Variants in USP6NL observed in about 807,000 individuals in gnomAD.
USP6NL encodes USP6 N-terminal-like protein.
USP6NL carries 26 observed loss-of-function variants against 61.9 expected under a neutral mutation model. The ratio of observed to expected loss-of-function variants is 0.42; its 90% CI spans 0.31 to 0.58. USP6NL has a LOEUF of 0.58. Among genes scored for constraint, USP6NL ranks in the 20% least tolerant of loss-of-function variants. The pLI is 0.16. For missense variants in USP6NL, 1,114 were observed against 1,034.3 expected (o/e 1.08, Z -1.06); for synonymous variants, 432 against 390.1 (o/e 1.11, Z -1.27).
At chr10:11,571,849 T>C (rs1283793348) in intron 2 of USP6NL, among the ~76,000 whole-genome samples, 3 of 151,082 alleles carry the variant, frequency 2.0e-5, no homozygotes, top group Admixed American at 6.6e-5. Context: ...AAAATCTATG[T>C]ATATACTTCC....
chr10:11,503,534 T>C (rs1834306520), intron 6 of USP6NL, among the ~76,000 whole-genome samples: 2 of 152,126 alleles, frequency 1.3e-5, no homozygotes, highest in South Asian at 4.1e-4. Context: ...AAAAATCAGG[T>C]ACATATGGGA....
At chr10:11,486,263 A>C (rs1190205869) in intron 10 of USP6NL, among the ~76,000 whole-genome samples, 1 of 151,774 alleles carries the variant, frequency 6.6e-6, no homozygotes, top group African/African-American at 2.4e-5. Flanking sequence ...TATTATTCCA[A>C]CCCTGACTAG....
chr10:11,549,044 G>A (rs976285678), intron 2 of USP6NL, among the ~76,000 whole-genome samples: 3 of 151,926 alleles, frequency 2.0e-5, no homozygotes, highest in Admixed American at 6.6e-5. Flanking sequence ...GCTTCTCTTC[G>A]GAGTCTAGTC....
In USP6NL at chr10:11,474,922, G is replaced by T. The variant is rs1248826302; in HGVS notation, c.1078+6848C>A. Among the ~76,000 whole-genome samples the T allele has an allele frequency of 6.6e-6, 1 of 152,146 alleles. No individual in the cohort carries two copies. Among genetic ancestry groups the T allele is most frequent in the Non-Finnish European group, 1.5e-5 (1 of 68,030 alleles). ...TGCTATACCTTACACTAAGGAGTGT[G>T]GATGTTCTCCCGTAAGCACTGAAGT... On this transcript the variant is annotated intron_variant, in intron 14 of 14. Transcript: ENST00000609104. The surrounding 1 kb of genome is among the most constrained non-coding windows in gnomAD (Gnocchi z 4.9).
chr10:11,576,089 G>GAA (rs761383093), intron 2 of USP6NL, among the ~76,000 whole-genome samples: 2 of 130,494 alleles, frequency 1.5e-5, no homozygotes, highest in African/African-American at 5.7e-5. Flanking sequence ...AACACTTCAG[G>GAA]AAAAAAAAAA....
chr10:11,494,966 G>A (rs1833854711), intron 7 of USP6NL, among the ~76,000 whole-genome samples: 1 of 152,098 alleles, frequency 6.6e-6, no homozygotes, highest in African/African-American at 2.4e-5. Context: ...AAAGGTGGAG[G>A]AGCAGAGTCT....
In USP6NL at chr10:11,509,670, C is replaced by T; in HGVS notation, c.201G>A (p.Lys67=). ...PDHNVAVERQ[K]HLEIERTTKW... ...TGGTAGTTCTTTCAATTTCCAGGTG[C>T]TTTTGCTAAAATAAAATTGAAATTC... The change falls in exon 6 of 15, where the codon AAG becomes AAA. Residue 67 remains lysine (K), a synonymous_variant. Coordinates refer to ENST00000609104, the MANE Select transcript of USP6NL (RefSeq NM_014688.5). 1.9e-6 allele frequency: 3 copies of T among 1,558,826 alleles called. No individual in the cohort carries two copies. Among genetic ancestry groups the T allele is most frequent in the Non-Finnish European group, 8.7e-7 (1 of 1,150,736 alleles).
rs1838191404 is a variant in USP6NL at position 11,592,645 on chromosome 10, T to C, written c.4+4986A>G. Among the ~76,000 whole-genome samples the C allele has an allele frequency of 6.6e-6, 1 of 152,230 alleles. No homozygotes were observed. The highest frequency in any genetic ancestry group is 6.5e-5 in the Admixed American group (1 of 15,288). On this transcript the variant is annotated intron_variant, in intron 2 of 14. Coordinates refer to ENST00000609104, the MANE Select transcript of USP6NL (RefSeq NM_014688.5). The surrounding 1 kb of genome is among the most constrained non-coding windows in gnomAD (Gnocchi z 4.7). ...TTTCAAAGACAATTCAACTTAAATT[T>C]TCTTTTAACTTCTACCCAACTTCTG...
At chr10:11,577,424 G>A (rs1436912614) in intron 2 of USP6NL, among the ~76,000 whole-genome samples, 2 of 151,864 alleles carry the variant, frequency 1.3e-5, no homozygotes, top group Non-Finnish European at 2.9e-5. Context: ...TATTGAAAAC[G>A]GAGTCTCTTA....
At position 11,611,469 on chromosome 10, in the gene USP6NL, G is replaced by T. The variant is rs189672296; in HGVS notation, c.-110C>A. Reference sequence around the variant, plus strand: ...TCAGTACGGTCCCGACTGCTAGGCTGTGGGCAGCGGACAGAGCTGGCGGTC... The same window carrying T: ...TCAGTACGGTCCCGACTGCTAGGCTTTGGGCAGCGGACAGAGCTGGCGGTC... On this transcript the variant is annotated 5_prime_UTR_variant, in exon 1 of 15. Transcript: ENST00000609104. This position sits in a 1 kb window ranked among gnomAD's most constrained non-coding sequence, Gnocchi z 5.3. The T allele has an allele frequency of 0.014, 2,126 of 155,726 alleles. 32 individuals are homozygous for T. Among genetic ancestry groups the T allele is most frequent in the Non-Finnish European group, 0.02 (1,420 of 69,900 alleles). 9.6% of individuals were successfully genotyped at this position (155,726 alleles called of 1,614,324 possible).
At position 11,528,563 on chromosome 10, in the gene USP6NL, T is replaced by C. The variant is rs1383272385; in HGVS notation, c.5-996A>G. On this transcript the variant is annotated intron_variant, in intron 2 of 14. Coordinates refer to ENST00000609104, the MANE Select transcript of USP6NL (RefSeq NM_014688.5). This position sits in a 1 kb window ranked among gnomAD's most constrained non-coding sequence, Gnocchi z 4.6. The stretch of plus-strand genomic sequence containing the variant: ...AGGCTTAGAGATTTTACGCAACTTG[T>C]CCACAGGCATAAAGCTAATAAACAG... 6.6e-6 allele frequency among the ~76,000 whole-genome samples: 1 copy of C among 152,168 alleles called. No homozygotes were observed. Among genetic ancestry groups the C allele is most frequent in the Non-Finnish European group, 1.5e-5 (1 of 68,040 alleles).
rs1261535871 is a variant in USP6NL at position 11,589,057 on chromosome 10, A to G, written c.4+8574T>C. On this transcript the variant is annotated intron_variant, in intron 2 of 14. Transcript: ENST00000609104. This position sits in a 1 kb window ranked among gnomAD's most constrained non-coding sequence, Gnocchi z 4.7. The stretch of plus-strand genomic sequence containing the variant: ...CCATGTATGGAAACCCGGATAAGAT[A>G]ATGGCAATGGAGAAGCGCCTTTCCT... Among the ~76,000 whole-genome samples, 2 of 152,200 alleles carry G rather than the reference A, an allele frequency of 1.3e-5. No homozygotes were observed. The highest frequency in any genetic ancestry group is 2.9e-5 in the Non-Finnish European group (2 of 68,034).
chr10:11,517,522 G>A (rs1346527899), intron 5 of USP6NL, among the ~76,000 whole-genome samples: 3 of 152,162 alleles, frequency 2.0e-5, no homozygotes, highest in Admixed American at 1.3e-4. Flanking sequence ...CTAGGCCAGT[G>A]CTTGATACAT....
In USP6NL at chr10:11,495,874, ATGCCTGGGTGAGGCTTCC is replaced by A. The variant is rs1833901888; in HGVS notation, c.385-2664_385-2647del. Reference sequence around the variant, plus strand: ...TAAAAGTGGGACACAAAAAAGCTGCATGCCTGGGTGAGGCTTCCTGACTGTGATCCTGCTCGTGGAGGC... The same window carrying A: ...TAAAAGTGGGACACAAAAAAGCTGCATGACTGTGATCCTGCTCGTGGAGGC... On this transcript the variant is annotated intron_variant, in intron 7 of 14. Transcript: ENST00000609104. The surrounding 1 kb of genome is among the most constrained non-coding windows in gnomAD (Gnocchi z 4.6). 6.6e-6 allele frequency among the ~76,000 whole-genome samples: 1 copy of A among 152,246 alleles called. No homozygotes were observed. Among genetic ancestry groups the A allele is most frequent in the Non-Finnish European group, 1.5e-5 (1 of 68,038 alleles).
intron 1 of USP6NL, among the ~76,000 whole-genome samples, chr10:11,604,686 G>A (rs12573581): frequency 0.1 from 15,286 of 152,116 alleles, 1,221 homozygotes; most frequent in East Asian, 0.42. Flanking sequence ...TATCTCCAAA[G>A]AACAATTTCT....
Position 11,462,824 on chromosome 10 carries a change from G to T in USP6NL, c.2104C>A (p.Pro702Thr). The change falls in exon 15 of 15, where the codon CCT becomes ACT. Residue 702 changes from proline to threonine, a missense_variant. Coordinates refer to ENST00000609104, the MANE Select transcript of USP6NL (RefSeq NM_014688.5). ...TATCCCCCAGCACCAGTGTCAACAG[G>T]GAGGACTTCTATTCGACTAGACGGC... is the stretch of plus-strand genomic sequence containing the variant. ...VLPSSRIEVL[P>T]VDTGAGGYSG... The T allele has an allele frequency of 4.3e-6, 7 of 1,613,984 alleles. No homozygotes were observed. Among genetic ancestry groups the T allele is most frequent in the Non-Finnish European group, 5.9e-6 (7 of 1,179,894 alleles).
At chr10:11,564,471 C>G (rs998534617) in intron 2 of USP6NL, 2 of 152,032 alleles carry the variant, frequency 1.3e-5, no homozygotes, top group African/African-American at 4.8e-5. Context: ...AGATGATAAG[C>G]CATAGAGAAA....
At chr10:11,551,236 G>T (rs182658050) in intron 2 of USP6NL, among the ~76,000 whole-genome samples, 244 of 152,258 alleles carry the variant, frequency 1.6e-3, no homozygotes, top group Non-Finnish European at 2.7e-3. Flanking sequence ...TGGTGAAAAG[G>T]TAAGCAAATT....
chr10:11,463,057 C>T lies in USP6NL; in HGVS notation c.1871G>A (p.Arg624Gln). ...RYPSQLDGEA[R>Q]GLAHPPSYSN... Reference sequence around the variant, plus strand: ...GTAGGAGGGGGGATGAGCTAGCCCTCGGGCTTCCCCATCTAGCTGGGACGG... The same window carrying T: ...GTAGGAGGGGGGATGAGCTAGCCCTTGGGCTTCCCCATCTAGCTGGGACGG... Residue 624 changes from arginine (R) to glutamine (Q), a missense_variant, in exon 15 of 15, where the codon CGA becomes CAA. Coordinates refer to ENST00000609104, the MANE Select transcript of USP6NL (RefSeq NM_014688.5). This position sits in a 1 kb window ranked among gnomAD's most constrained non-coding sequence, Gnocchi z 6.3. 6.8e-6 allele frequency: 11 copies of T among 1,614,018 alleles called. No individual in the cohort carries two copies. Among genetic ancestry groups the T allele is most frequent in the South Asian group, 2.2e-5 (2 of 91,084 alleles).
Sources: gnomAD v4.1 joint callset for allele counts (sites outside exome capture counted in the v4.1 genomes callset) on GRCh38, gnomAD v4.1.1 for gene constraint, Gnocchi (gnomAD v3.1) non-coding constraint, MANE v1.5 for transcripts, NCBI Gene and HGNC (gene_info 2026-07-23, HGNC 2026-07-21) for gene names.